The following CHKA variants were observed in gnomAD, a reference collection of about 807,000 sequenced individuals.
CHKA encodes choline kinase alpha.
A neutral mutation model predicts 60.1 loss-of-function variants in CHKA; 34 were observed. That is an observed-to-expected ratio of 0.57 (90% CI 0.43 to 0.75). The LOEUF (loss-of-function observed/expected upper bound fraction) is 0.75. Ranked by LOEUF, CHKA falls within the 30% of genes least tolerant of loss-of-function variation. CHKA has a pLI of 0.00. For synonymous variants in CHKA, 217 were observed against 223.1 expected (o/e 0.97, Z 0.24); for missense variants, 563 against 561.3 (o/e 1.00, Z -0.03).
chr11:68,060,041 T>C (rs962694075), intron 11 of CHKA, among the ~76,000 whole-genome samples: 4 of 150,748 alleles, frequency 2.7e-5, no homozygotes, highest in African/African-American at 7.3e-5. Flanking sequence ...TCTTTTTTTT[T>C]TGAGACCCAG....
intron 1 of CHKA, among the ~76,000 whole-genome samples, chr11:68,108,483 G>A (rs1275314143): frequency 2.6e-5 from 4 of 152,228 alleles, no homozygotes; most frequent in South Asian, 2.1e-4. Context: ...AGAGGCTCAC[G>A]CCTGTAATCC....
chr11:68,096,899 T>C, intron 2 of CHKA, 120 bp downstream of exon 2: 1 of 607,960 alleles, frequency 1.6e-6, no homozygotes, highest in South Asian at 3.0e-5. Flanking sequence ...AAAAGCAATA[T>C]ACTCAAATAT....
chr11:68,108,569 T>C (rs1375928564), intron 1 of CHKA, among the ~76,000 whole-genome samples: 3 of 151,964 alleles, frequency 2.0e-5, no homozygotes, highest in Non-Finnish European at 4.4e-5. Context: ...ACGGTGAAAC[T>C]CCGTCTCTAC....
intron 9 of CHKA, among the ~76,000 whole-genome samples, 155 bp from the exon 10 acceptor site, chr11:68,064,786 G>A (rs1156275057): frequency 1.3e-5 from 2 of 152,210 alleles, no homozygotes; most frequent in African/African-American, 2.4e-5. Flanking sequence ...GCACCAGTGA[G>A]CCAACCTTTG....
chr11:68,078,108 C>A (rs914866736), intron 3 of CHKA, among the ~76,000 whole-genome samples: 8 of 152,200 alleles, frequency 5.3e-5, no homozygotes, highest in Admixed American at 2.0e-4. Flanking sequence ...TCTTATGTGA[C>A]TGTCACCACA....
chr11:68,092,185 A>G (rs994763267), intron 2 of CHKA, among the ~76,000 whole-genome samples: 8 of 152,226 alleles, frequency 5.3e-5, no homozygotes, highest in African/African-American at 1.4e-4. Context: ...GTCATACTAT[A>G]TTTAATTCTC....
At chr11:68,090,898 G>C (rs1230223387) in intron 2 of CHKA, among the ~76,000 whole-genome samples, 4 of 152,192 alleles carry the variant, frequency 2.6e-5, no homozygotes, top group East Asian at 1.9e-4. Flanking sequence ...CAGAGTCACT[G>C]TTCTGACAGA....
At chr11:68,087,249 G>A (rs1052293348) in intron 2 of CHKA, among the ~76,000 whole-genome samples, 2 of 152,106 alleles carry the variant, frequency 1.3e-5, no homozygotes, top group Non-Finnish European at 2.9e-5. Flanking sequence ...GGAGGTTGAG[G>A]GGGGCGGATC....
At chr11:68,093,722 T>C (rs540726918) in intron 2 of CHKA, among the ~76,000 whole-genome samples, 2 of 152,352 alleles carry the variant, frequency 1.3e-5, no homozygotes, top group East Asian at 1.9e-4. Context: ...GGAAGGCTAA[T>C]TGCCAAGTAG....
intron 5 of CHKA, 108 bp downstream of exon 5, chr11:68,070,616 T>C (rs1474724913): frequency 8.2e-7 from 1 of 1,213,348 alleles, no homozygotes; most frequent in Non-Finnish European, 1.2e-6. Flanking sequence ...TGCACTTCAG[T>C]GAACTAGGAA....
intron 1 of CHKA, among the ~76,000 whole-genome samples, chr11:68,113,218 A>G (rs1360899802): frequency 1.3e-5 from 2 of 151,516 alleles, no homozygotes; most frequent in Non-Finnish European, 2.9e-5. Context: ...CTGAGGCAGG[A>G]GGACCACATC....
intron 1 of CHKA, among the ~76,000 whole-genome samples, chr11:68,097,525 A>C (rs1320695146): frequency 6.6e-6 from 1 of 151,590 alleles, no homozygotes; most frequent in Admixed American, 6.6e-5. Context: ...AGTCCCAGCA[A>C]CTCAGGAGGC....
At chr11:68,078,737 A>G (rs1161456032) in intron 3 of CHKA, among the ~76,000 whole-genome samples, 2 of 152,212 alleles carry the variant, frequency 1.3e-5, no homozygotes, top group Non-Finnish European at 2.9e-5. Context: ...CATTTCCAAA[A>G]TAACGGATCA....
At chr11:68,086,105 G>A (rs1857169699) in intron 2 of CHKA, among the ~76,000 whole-genome samples, 1 of 152,118 alleles carries the variant, frequency 6.6e-6, no homozygotes, top group Non-Finnish European at 1.5e-5. Context: ...ACGAGGTCAA[G>A]AGATCGACAC....
At chr11:68,084,061 A>G (rs192017856) in intron 2 of CHKA, among the ~76,000 whole-genome samples, 1 of 151,906 alleles carries the variant, frequency 6.6e-6, no homozygotes, top group African/African-American at 2.4e-5. Context: ...CCTGGCCAAC[A>G]TGGTGAAACT....
intron 1 of CHKA, among the ~76,000 whole-genome samples, chr11:68,103,321 A>C (rs2153026669): frequency 6.6e-6 from 1 of 152,186 alleles, no homozygotes; most frequent in South Asian, 2.1e-4. Flanking sequence ...GTGCTACTGC[A>C]CTCCAGCCTG....
At position 68,065,697 on chromosome 11, in the gene CHKA, C is replaced by A. The variant is rs1337421765; in HGVS notation, c.1125+89G>T. The stretch of plus-strand genomic sequence containing the variant: ...GCCTGGGAAACAGAGTGAGACCCTG[C>A]CTCAAAAAATAAAAAAGAAGATGTA... On this transcript the variant is annotated intron_variant, in intron 9 of 11. Transcript: ENST00000265689. The A allele has an allele frequency of 6.6e-6, 6 of 906,422 alleles. No individual in the cohort carries two copies. In the East Asian group the frequency reaches 1.5e-4, roughly 22 times the overall value. 56.1% of individuals were successfully genotyped at this position (906,422 alleles called of 1,614,324 possible). A position where few individuals can be genotyped will look rare whatever the true frequency, so the allele number is the denominator to read the frequency against.
rs545215920 is a variant in CHKA, at chr11:68,074,191, C to T, written c.630+526G>A. Among the ~76,000 whole-genome samples, 6 of 152,312 alleles carry T rather than the reference C, an allele frequency of 3.9e-5. No homozygotes were observed. In the East Asian group the frequency reaches 1.2e-3, roughly 29 times the overall value. ...AATAAGAAAGGGAAAATAATCCTGA[C>T]TGCTTAGAAATAAGACTGCAAGGTC... On this transcript the variant is annotated intron_variant, in intron 4 of 11. Transcript: ENST00000265689.
chr11:68,107,364 C>T (rs1225184827), intron 1 of CHKA, among the ~76,000 whole-genome samples: 1 of 152,092 alleles, frequency 6.6e-6, no homozygotes, highest in African/African-American at 2.4e-5. Context: ...ATTTTTCCTT[C>T]CCCAAAATTT....
Sources: allele counts gnomAD v4.1 joint callset (sites outside exome capture counted in the v4.1 genomes callset), GRCh38; gene constraint gnomAD v4.1.1; transcripts MANE v1.5; gene names NCBI Gene and HGNC (gene_info 2026-07-23, HGNC 2026-07-21).